The following SLC2A4 variants were observed in gnomAD, a reference collection of about 807,000 sequenced individuals.
SLC2A4 encodes solute carrier family 2 member 4.
A neutral mutation model predicts 53.3 loss-of-function variants in SLC2A4; 31 were observed. That is an observed-to-expected ratio of 0.58 (90% CI 0.44 to 0.78). SLC2A4 has a LOEUF of 0.78. SLC2A4 is among the 30% of genes least tolerant of loss of function. The pLI, the probability that SLC2A4 is intolerant of heterozygous loss-of-function variation, is 0.00. For missense variants in SLC2A4, 538 were observed against 655.7 expected, an observed-to-expected ratio of 0.82 and a Z score of 1.96; for synonymous variants, 276 against 281.9, an observed-to-expected ratio of 0.98 and a Z score of 0.21.
At position 7,282,027 on chromosome 17, in the gene SLC2A4, G is replaced by C; in HGVS notation, c.33+60G>C. ...CACGGGTCCCGCTTTTCTTGGGCTG[G>C]GGTCGCGGTTGGGGTCAGCTGGGGG... On this transcript the variant is annotated intron_variant, in intron 1 of 10. Coordinates refer to ENST00000317370, the MANE Select transcript of SLC2A4 (RefSeq NM_001042.3). This position sits in a 1 kb window ranked among gnomAD's most constrained non-coding sequence, Gnocchi z 4.1. The C allele has an allele frequency of 2.0e-6, 3 of 1,478,070 alleles. No individual in the cohort carries two copies. The South Asian group carries it at 3.5e-5, about 17-fold the overall frequency. The allele number at this position is 1,478,070 out of a possible 1,614,324, so 91.6% of individuals were successfully genotyped here.
rs2072455067 is a variant in SLC2A4, at chr17:7,286,872, C to T, written c.*243C>T. 4.0e-6 allele frequency: 2 copies of T among 500,862 alleles called. No homozygotes were observed. Among genetic ancestry groups the T allele is most frequent in the Non-Finnish European group, 7.3e-6 (2 of 273,954 alleles). 31.0% of individuals were successfully genotyped at this position (500,862 alleles called of 1,614,324 possible). On this transcript the variant is annotated 3_prime_UTR_variant, in exon 11 of 11. Coordinates refer to ENST00000317370, the MANE Select transcript of SLC2A4 (RefSeq NM_001042.3). ...CGTGGCCATCAGGGTGGGCCACTCT[C>T]CCCTCCCTCTTCCTTCCCCCATCCC...
chr17:7,283,239 G>T lies in SLC2A4; in HGVS notation c.34-6G>T. 3.1e-6 allele frequency: 5 copies of T among 1,611,030 alleles called. No individual in the cohort carries two copies. Among genetic ancestry groups the T allele is most frequent in the Non-Finnish European group, 3.4e-6 (4 of 1,177,210 alleles). ...ACATGCTGTGTCTTTGTGTCTGCCT[G>T]TTCAGGATGGGGAACCCCCTCAGCA... On this transcript the variant is annotated splice_region_variant and splice_polypyrimidine_tract_variant and intron_variant, in intron 1 of 10. Coordinates refer to ENST00000317370, the MANE Select transcript of SLC2A4 (RefSeq NM_001042.3). The surrounding 1 kb of genome is among the most constrained non-coding windows in gnomAD (Gnocchi z 5.8).
chr17:7,283,187 G>A lies in SLC2A4; in HGVS notation c.34-58G>A, dbSNP rs2072416718. On this transcript the variant is annotated intron_variant, in intron 1 of 10. Transcript: ENST00000317370. This position sits in a 1 kb window ranked among gnomAD's most constrained non-coding sequence, Gnocchi z 5.8. ...TCCAGCTGGGCCCGGGCCCCTAGCG[G>A]AAGGAAAAAAATCATGGTTCCATGT... 4 of 1,460,116 alleles carry A rather than the reference G, an allele frequency of 2.7e-6. No homozygotes were observed. Among genetic ancestry groups the A allele is most frequent in the Non-Finnish European group, 3.8e-6 (4 of 1,040,186 alleles). The allele number at this position is 1,460,116 out of a possible 1,614,324, so 90.4% of individuals were successfully genotyped here.
In SLC2A4 at chr17:7,284,855, C is replaced by T. The variant is rs760034451; in HGVS notation, c.936C>T (p.Ser312=). Residue 312 remains serine, a synonymous_variant, in exon 8 of 11, where the codon AGC becomes AGT. Coordinates refer to ENST00000317370, the MANE Select transcript of SLC2A4 (RefSeq NM_001042.3). The surrounding 1 kb of genome is among the most constrained non-coding windows in gnomAD (Gnocchi z 7.5). ...TCTAGGTTTTCTATTATTCGACCAG[C>T]ATCTTCGAGACAGCAGGGGTAGGCC... ...GINAVFYYST[S]IFETAGVGQP... is the part of the protein sequence containing the mutation. 1.2e-6 allele frequency: 2 copies of T among 1,614,248 alleles called. No homozygotes were observed. Among genetic ancestry groups the T allele is most frequent in the Admixed American group, 1.7e-5 (1 of 60,036 alleles).
chr17:7,283,290 G>A lies in SLC2A4; in HGVS notation c.79G>A (p.Ala27Thr). ...GCGAGTGACTGGGACCCTGGTCCTT[G>A]CTGTGTTCTCTGCGGTGCTTGGCTC... ...QQRVTGTLVLAVFSAVLGSLQ... is the reference protein window; with the variant it reads ...QQRVTGTLVLTVFSAVLGSLQ... The change falls in exon 2 of 11, where the codon GCT (alanine) becomes ACT (threonine). Residue 27 changes from alanine to threonine, a missense_variant. Coordinates refer to ENST00000317370, the MANE Select transcript of SLC2A4 (RefSeq NM_001042.3). This position sits in a 1 kb window ranked among gnomAD's most constrained non-coding sequence, Gnocchi z 5.8. The A allele has an allele frequency of 6.2e-7, 1 of 1,614,190 alleles. No homozygotes were observed. The highest frequency in any genetic ancestry group is 8.5e-7 in the Non-Finnish European group (1 of 1,180,040).
rs542749322 is a variant in SLC2A4, at chr17:7,287,115, G to GGTTCTCTTTTTTTTT, written c.*486_*487insGTTCTCTTTTTTTTT. 4.1e-5 allele frequency: 4 copies of GGTTCTCTTTTTTTTT among 97,696 alleles called. 2 individuals carry two copies. The highest frequency in any genetic ancestry group is 4.0e-5 in the Non-Finnish European group (2 of 49,466). The allele number at this position is 97,696 out of a possible 1,614,324, so 6.1% of individuals were successfully genotyped here. A position where few individuals can be genotyped will look rare whatever the true frequency, so the allele number is the denominator to read the frequency against. On this transcript the variant is annotated 3_prime_UTR_variant, in exon 11 of 11. Transcript: ENST00000317370. ...TGCCACGCAGACTCTGGGCAAAGGG[G>GGTTCTCTTTTTTTTT]TTTTTTTTTTTTTTTTTTTTTTTTT...
Position 7,283,351 on chromosome 17 carries a change from C to A in SLC2A4, c.140C>A (p.Ala47Asp), listed in dbSNP as rs1007734551. ...QFGYNIGVIN[A>D]PQKVIEQSYN... is the part of the protein sequence containing the mutation. ...GGGTACAACATTGGGGTCATCAATG[C>A]CCCTCAGAAGGTGAGGGCCTGCAGC... Residue 47 changes from alanine (A) to aspartate (D), a missense_variant, in exon 2 of 11, where the codon GCC (alanine) becomes GAC (aspartate). By Grantham distance (126) the Ala-to-Asp change is moderately radical (BLOSUM62 -2). Transcript: ENST00000317370. This position sits in a 1 kb window ranked among gnomAD's most constrained non-coding sequence, Gnocchi z 5.8. 3 of 1,612,276 alleles carry A rather than the reference C, an allele frequency of 1.9e-6. No homozygotes were observed. The African/African-American group carries it at 4.0e-5, about 22-fold the overall frequency.
Position 7,285,748 on chromosome 17 carries a change from T to C in SLC2A4, c.1166T>C (p.Phe389Ser). The C allele has an allele frequency of 6.2e-7, 1 of 1,614,242 alleles. No individual in the cohort carries two copies. The highest frequency in any genetic ancestry group is 8.5e-7 in the Non-Finnish European group (1 of 1,180,050). Residue 389 changes from phenylalanine to serine, a missense_variant, in exon 10 of 11, where the codon TTT becomes TCT. Transcript: ENST00000317370. The surrounding 1 kb of genome is among the most constrained non-coding windows in gnomAD (Gnocchi z 6.0). ...AMSYVSIVAI[F>S]GFVAFFEIGP... ...AGCTACGTCTCCATTGTGGCCATCT[T>C]TGGCTTCGTGGCATTTTTTGAGATT...
intron 10 of SLC2A4, 200 bp downstream of exon 10, chr17:7,286,108 G>A (rs971839046): frequency 1.1e-5 from 7 of 615,538 alleles, no homozygotes; most frequent in African/African-American, 1.1e-4. Flanking sequence ...TGTCTGAAAC[G>A]CACCAGTGGC....
chr17:7,286,339 A>G (rs947955162), intron 10 of SLC2A4, 87 bp from the exon 11 acceptor site: 18 of 1,090,628 alleles, frequency 1.7e-5, no homozygotes, highest in Admixed American at 6.7e-5. Flanking sequence ...CCAGCTCCCT[A>G]TGAAGGCCTT....
Position 7,285,915 on chromosome 17 carries a change from C to A in SLC2A4, c.1326+7C>A, listed in dbSNP as rs779623579. ...GGGTTTCCAGTATGTTGCGGTAGGT[C>A]CCCCCGCCCCAGCCTCCCACACCGT... On this transcript the variant is annotated splice_region_variant and intron_variant, in intron 10 of 10. Coordinates refer to ENST00000317370, the MANE Select transcript of SLC2A4 (RefSeq NM_001042.3). This position sits in a 1 kb window ranked among gnomAD's most constrained non-coding sequence, Gnocchi z 6.0. 28 of 1,608,490 alleles carry A rather than the reference C, an allele frequency of 1.7e-5. 1 individual carries two copies. The highest frequency in any genetic ancestry group is 2.0e-5 in the Non-Finnish European group (24 of 1,175,764).
chr17:7,284,248 C>T lies in SLC2A4; in HGVS notation c.596C>T (p.Ala199Val), dbSNP rs2072429017. 6.2e-7 allele frequency: 1 copy of T among 1,613,542 alleles called. No homozygotes were observed. Among genetic ancestry groups the T allele is most frequent in the Non-Finnish European group, 8.5e-7 (1 of 1,180,028 alleles). Residue 199 changes from alanine to valine, a missense_variant, in exon 6 of 11, where the codon GCC becomes GTC. Physicochemically the swap from Ala to Val is moderately conservative, Grantham distance 64. Transcript: ENST00000317370. The surrounding 1 kb of genome is among the most constrained non-coding windows in gnomAD (Gnocchi z 7.5). ...GGCTTGGAGTCCCTCCTGGGCACTGCCAGCCTGTGGCCACTGCTCCTGGGC... is the reference window on the plus strand; with the variant it reads ...GGCTTGGAGTCCCTCCTGGGCACTGTCAGCCTGTGGCCACTGCTCCTGGGC... Reference protein sequence around the residue: ...VLGLESLLGTASLWPLLLGLT... With the variant: ...VLGLESLLGTVSLWPLLLGLT...
In SLC2A4 at chr17:7,283,633, A is replaced by C. The variant is rs780387932; in HGVS notation, c.311A>C (p.Gln104Pro). The C allele has an allele frequency of 1.2e-6, 2 of 1,613,554 alleles. No individual in the cohort carries two copies. The highest frequency in any genetic ancestry group is 2.2e-5 in the South Asian group (2 of 91,034). The change falls in exon 3 of 11, where the codon CAG becomes CCG. Residue 104 changes from glutamine to proline, a missense_variant. Coordinates refer to ENST00000317370, the MANE Select transcript of SLC2A4 (RefSeq NM_001042.3). The surrounding 1 kb of genome is among the most constrained non-coding windows in gnomAD (Gnocchi z 5.8). ...TCCTTCCTCATTGGTATCATCTCTCAGTGGCTTGGAAGGTTCGCAGCTGGA... is the reference window on the plus strand; with the variant it reads ...TCCTTCCTCATTGGTATCATCTCTCCGTGGCTTGGAAGGTTCGCAGCTGGA... ...ISSFLIGIIS[Q>P]WLGRKRAMLV...
rs2072434897 is a variant in SLC2A4 at position 7,284,835 on chromosome 17, G to A, written c.916G>A (p.Val306Ile). The A allele has an allele frequency of 6.2e-7, 1 of 1,614,058 alleles. No individual in the cohort carries two copies. The highest frequency in any genetic ancestry group is 8.5e-7 in the Non-Finnish European group (1 of 1,180,030). Residue 306 changes from valine to isoleucine, a missense_variant and splice_region_variant, in exon 8 of 11, where the codon GTT (valine) becomes ATT (isoleucine). By Grantham distance (29) the Val-to-Ile change is conservative (BLOSUM62 3). Coordinates refer to ENST00000317370, the MANE Select transcript of SLC2A4 (RefSeq NM_001042.3). This position sits in a 1 kb window ranked among gnomAD's most constrained non-coding sequence, Gnocchi z 7.5. Reference protein sequence around the residue: ...LSQQLSGINAVFYYSTSIFET... With the variant: ...LSQQLSGINAIFYYSTSIFET... ...ACTTCTTCTTCTCCCCCACCTCTAG[G>A]TTTTCTATTATTCGACCAGCATCTT...
In SLC2A4 at chr17:7,283,590, G is replaced by A. The variant is rs762847554; in HGVS notation, c.268G>A (p.Val90Met). Residue 90 changes from valine to methionine, a missense_variant, in exon 3 of 11, where the codon GTG (valine) becomes ATG (methionine). Val to Met is a conservative substitution (Grantham distance 21). Transcript: ENST00000317370. The surrounding 1 kb of genome is among the most constrained non-coding windows in gnomAD (Gnocchi z 5.8). The part of the protein sequence containing the change: ...LWALSVAIFS[V>M]GGMISSFLIG... ...GGCCCTCTCCGTGGCCATCTTTTCC[G>A]TGGGCGGCATGATTTCCTCCTTCCT... 4.8e-5 allele frequency: 78 copies of A among 1,613,910 alleles called. No individual in the cohort carries two copies. The Admixed American group carries it at 7.8e-4, about 16-fold the overall frequency.
chr17:7,284,132 G>A lies in SLC2A4; in HGVS notation c.564+43G>A, dbSNP rs368723603. 3 of 1,611,082 alleles carry A rather than the reference G, an allele frequency of 1.9e-6. No individual in the cohort carries two copies. Among genetic ancestry groups the A allele is most frequent in the East Asian group, 2.2e-5 (1 of 44,882 alleles). ...CATGGGTGCCTGGGCAGTGGTTAGA[G>A]TGGGGCTCTGGAGAATATGGTGGGC... On this transcript the variant is annotated intron_variant, in intron 5 of 10. Transcript: ENST00000317370. The surrounding 1 kb of genome is among the most constrained non-coding windows in gnomAD (Gnocchi z 7.5).
chr17:7,285,322 G>A lies in SLC2A4; in HGVS notation c.1122+133G>A. ...GGCGCCAGCTCCGGACCAGGACTGG[G>A]GCTGACTGGCTCCAGAATCTGCTGG... On this transcript the variant is annotated intron_variant, in intron 9 of 10. Coordinates refer to ENST00000317370, the MANE Select transcript of SLC2A4 (RefSeq NM_001042.3). The surrounding 1 kb of genome is among the most constrained non-coding windows in gnomAD (Gnocchi z 6.0). The A allele has an allele frequency of 2.5e-6, 2 of 791,248 alleles. No homozygotes were observed. Among genetic ancestry groups the A allele is most frequent in the Non-Finnish European group, 4.2e-6 (2 of 471,728 alleles). 49.0% of individuals were successfully genotyped at this position (791,248 alleles called of 1,614,324 possible). A position where few individuals can be genotyped will look rare whatever the true frequency, so the allele number is the denominator to read the frequency against.
chr17:7,284,812 T>C lies in SLC2A4; in HGVS notation c.916-23T>C, dbSNP rs374742679. On this transcript the variant is annotated intron_variant, in intron 7 of 10. Transcript: ENST00000317370. The surrounding 1 kb of genome is among the most constrained non-coding windows in gnomAD (Gnocchi z 7.5). ...GAGGAAGGGGCATTCCTGCCATCACTTCTTCTTCTCCCCCACCTCTAGGTT... is the reference window on the plus strand; with the variant it reads ...GAGGAAGGGGCATTCCTGCCATCACCTCTTCTTCTCCCCCACCTCTAGGTT... The C allele has an allele frequency of 2.7e-4, 430 of 1,613,910 alleles. 3 individuals are homozygous for C. The highest frequency in any genetic ancestry group is 5.8e-5 in the Non-Finnish European group (68 of 1,179,936).
chr17:7,284,178 G>A lies in SLC2A4; in HGVS notation c.565-39G>A, dbSNP rs2072428380. 1.2e-6 allele frequency: 2 copies of A among 1,611,132 alleles called. No individual in the cohort carries two copies. Among genetic ancestry groups the A allele is most frequent in the East Asian group, 4.5e-5 (2 of 44,882 alleles). On this transcript the variant is annotated intron_variant, in intron 5 of 10. Transcript: ENST00000317370. This position sits in a 1 kb window ranked among gnomAD's most constrained non-coding sequence, Gnocchi z 7.5. The stretch of plus-strand genomic sequence containing the variant: ...TGGGCTTCCAAGGTAAGGCAGAAGG[G>A]CTGAGTGACCTGCCTTCTTTCCCAA...
Sources: gnomAD v4.1 joint callset for allele counts on GRCh38, gnomAD v4.1.1 for gene constraint, Gnocchi (gnomAD v3.1) non-coding constraint, MANE v1.5 for transcripts, NCBI Gene and HGNC (gene_info 2026-07-23, HGNC 2026-07-21) for gene names.